The following C14orf39 variants were observed in gnomAD, a reference collection of about 807,000 sequenced individuals.
The protein encoded by C14orf39 is chromosome 14 open reading frame 39.
A neutral mutation model predicts 85.6 loss-of-function variants in C14orf39; 66 were observed. The ratio of observed to expected loss-of-function variants is 0.77; its 90% CI spans 0.63 to 0.95. C14orf39 has a LOEUF of 0.95. Among genes scored for constraint, C14orf39 ranks in the 40% least tolerant of loss-of-function variants. C14orf39 has a pLI of 0.00. For missense variants in C14orf39, 735 were observed against 663.9 expected (o/e 1.11, Z -1.18); for synonymous variants, 242 against 214.0 (o/e 1.13, Z -1.14).
rs770736866 is a variant in C14orf39, at chr14:60,455,142, G to A, written c.1362C>T (p.Asn454=). ...CTTCAGGTACTGCATTTCTATTTCT[G>A]TTACTGAGAAATAAGAAATTATCAA... ...KFPKTPPFEI[N]RNRNAVPEVQ... is the part of the protein sequence containing the mutation. Residue 454 remains asparagine (N), a synonymous_variant, in exon 16 of 18, where the codon AAC becomes AAT. Coordinates refer to ENST00000321731, the MANE Select transcript of C14orf39 (RefSeq NM_174978.3). 64 of 1,546,618 alleles carry A rather than the reference G, an allele frequency of 4.1e-5. No homozygotes were observed. Among genetic ancestry groups the A allele is most frequent in the Non-Finnish European group, 8.7e-7 (1 of 1,152,052 alleles).
At chr14:60,462,449 G>A (rs899140200) in intron 11 of C14orf39, among the ~76,000 whole-genome samples, 5 of 152,046 alleles carry the variant, frequency 3.3e-5, no homozygotes, top group Non-Finnish European at 7.4e-5. Context: ...TTTCTTTCAA[G>A]CCTTTTGTTC....
At position 60,491,191 on chromosome 14, in the gene C14orf39, C is replaced by T. The variant is rs536285447; in HGVS notation, c.-8-6105G>A. Among the ~76,000 whole-genome samples the T allele has an allele frequency of 6.6e-6, 1 of 152,212 alleles. No homozygotes were observed. The highest frequency in any genetic ancestry group is 2.1e-4 in the South Asian group (1 of 4,810). Reference sequence around the variant, plus strand: ...TCATAAATAATAGAAATTTATTTCTCACAGTTTTTGAGGTCAGTAAGTCCA... The same window carrying T: ...TCATAAATAATAGAAATTTATTTCTTACAGTTTTTGAGGTCAGTAAGTCCA... On this transcript the variant is annotated intron_variant, in intron 2 of 5. Transcript: ENST00000556799. The surrounding 1 kb of genome is among the most constrained non-coding windows in gnomAD (Gnocchi z 4.5).
chr14:60,509,338 G>A (rs183248571), intron 1 of C14orf39: 4 of 1,416,598 alleles, frequency 2.8e-6, no homozygotes, highest in Middle Eastern at 1.8e-4. Flanking sequence ...CCAGGCCCGC[G>A]GGCATCTGCT....
At chr14:60,448,725 T>C (rs999936336) in intron 16 of C14orf39, among the ~76,000 whole-genome samples, 4 of 152,216 alleles carry the variant, frequency 2.6e-5, no homozygotes, top group African/African-American at 9.6e-5. Context: ...TAAAGACACA[T>C]GCACACGTAT....
chr14:60,451,067 C>A (rs1466868878), intron 16 of C14orf39, among the ~76,000 whole-genome samples: 7 of 152,128 alleles, frequency 4.6e-5, no homozygotes, highest in Admixed American at 2.0e-4. Flanking sequence ...ACAACAACTA[C>A]AAGCATCAAG....
intron 8 of C14orf39, among the ~76,000 whole-genome samples, chr14:60,468,877 T>C (rs1265701310): frequency 6.6e-6 from 1 of 151,560 alleles, no homozygotes; most frequent in Non-Finnish European, 1.5e-5. Flanking sequence ...TTTACTAAAA[T>C]GATATTACTG....
intron 2 of C14orf39, among the ~76,000 whole-genome samples, chr14:60,497,764 C>T (rs557997710): frequency 8.0e-4 from 121 of 152,166 alleles, no homozygotes; most frequent in Non-Finnish European, 1.4e-3. Context: ...CGACTGTAAT[C>T]CCAGCTACTT....
chr14:60,492,431 G>A (rs1198020107), intron 2 of C14orf39, among the ~76,000 whole-genome samples: 1 of 152,046 alleles, frequency 6.6e-6, no homozygotes, highest in Non-Finnish European at 1.5e-5. Flanking sequence ...GAATCCTTCA[G>A]TAGTTATAAA....
chr14:60,485,042 A>T lies in C14orf39; in HGVS notation c.37T>A (p.Leu13Met), dbSNP rs747753049. The change falls in exon 2 of 18, where the codon TTG (leucine) becomes ATG (methionine). Residue 13 changes from leucine (L) to methionine (M), a missense_variant. Physicochemically the swap from Leu to Met is conservative, Grantham distance 15. Transcript: ENST00000321731. ...ACTTTATACCTACCAAATTCTAGCA[A>T]AAGTCTGTCCAAACTGACAAACAGG... ...DSLFVSLDRL[L>M]LEFVFQYEQD... 5.0e-6 allele frequency: 8 copies of T among 1,609,730 alleles called. No homozygotes were observed. The South Asian group carries it at 8.9e-5, about 18-fold the overall frequency.
rs760333498 is a variant in C14orf39, at chr14:60,483,767, C to T, written c.157G>A (p.Glu53Lys). 10 of 1,566,178 alleles carry T rather than the reference C, an allele frequency of 6.4e-6. No individual in the cohort carries two copies. The highest frequency in any genetic ancestry group is 1.7e-5 in the Admixed American group (1 of 58,840). Residue 53 changes from glutamate (E) to lysine (K), a missense_variant, in exon 4 of 18, where the codon GAA (glutamate) becomes AAA (lysine). Physicochemically the swap from Glu to Lys is moderately conservative, Grantham distance 56. Coordinates refer to ENST00000321731, the MANE Select transcript of C14orf39 (RefSeq NM_174978.3). ...TCCTCATCTGTTGCATTTATAGTTT[C>T]GTGTATCCTACAAATAGTTACTTTG... ...ENKVTICRIH[E>K]TINATDEEID...
intron 16 of C14orf39, among the ~76,000 whole-genome samples, chr14:60,452,186 T>G (rs1447516441): frequency 7.0e-6 from 1 of 142,906 alleles, no homozygotes; most frequent in African/African-American, 2.6e-5. Context: ...AAAAAAAAGA[T>G]AGAATTTCAA....
intron 16 of C14orf39, among the ~76,000 whole-genome samples, chr14:60,442,803 T>G (rs1890585130): frequency 6.6e-6 from 1 of 152,228 alleles, no homozygotes. Context: ...TGACAATTAA[T>G]AAGGAAAGCT....
intron 11 of C14orf39, 90 bp from the exon 12 acceptor site, chr14:60,461,683 T>C (rs1039712574): frequency 3.1e-6 from 2 of 651,440 alleles, no homozygotes; most frequent in African/African-American, 3.7e-5. Context: ...TCTCATTTCA[T>C]TAGTATTTCA....
At chr14:60,489,267 A>G (rs1396072977), upstream of C14orf39, among the ~76,000 whole-genome samples, 1 of 152,232 alleles carries the variant, frequency 6.6e-6, no homozygotes, top group East Asian at 1.9e-4. Flanking sequence ...AGTCAACTCT[A>G]TAAACAATCT....
At chr14:60,477,219 T>G (rs1187216455) in intron 5 of C14orf39, among the ~76,000 whole-genome samples, 1 of 152,174 alleles carries the variant, frequency 6.6e-6, no homozygotes, top group Admixed American at 6.5e-5. Context: ...CTTTCTCCTC[T>G]TTTTGCTCCA....
intron 1 of C14orf39, among the ~76,000 whole-genome samples, chr14:60,485,379 C>T (rs1410206860): frequency 1.3e-5 from 2 of 152,194 alleles, no homozygotes; most frequent in Non-Finnish European, 2.9e-5. Context: ...AACAAGCATC[C>T]GGATCTTCCA....
intron 3 of C14orf39, among the ~76,000 whole-genome samples, 171 bp from the exon 4 acceptor site, chr14:60,483,988 G>C (rs1038797559): frequency 6.6e-6 from 1 of 152,120 alleles, no homozygotes; most frequent in African/African-American, 2.4e-5. Flanking sequence ...AGAGAACCAG[G>C]GCCAGGCCTG....
At chr14:60,482,005 C>G (rs547328520) in intron 4 of C14orf39, among the ~76,000 whole-genome samples, 1 of 152,290 alleles carries the variant, frequency 6.6e-6, no homozygotes, top group East Asian at 1.9e-4. Flanking sequence ...CTTCCTCTCT[C>G]AAAGATTATA....
rs755644701 is a variant in C14orf39 at position 60,436,897 on chromosome 14, AAAG to A, written c.1709_1711del (p.Ser570del). Reference sequence around the variant, plus strand: ...TTGTGAGGAAGATGAAAAACCTTTTAAAGAAGAAGAAGGTATTGAATTTTGACC... The same window carrying A: ...TTGTGAGGAAGATGAAAAACCTTTTAAAGAAGAAGGTATTGAATTTTGACC... On this transcript the variant is annotated inframe_deletion, in exon 18 of 18. Transcript: ENST00000321731. 40 of 1,612,360 alleles carry A rather than the reference AAAG, an allele frequency of 2.5e-5. No individual in the cohort carries two copies. The highest frequency in any genetic ancestry group is 1.6e-4 in the East Asian group (7 of 44,708).
Sources: allele counts gnomAD v4.1 joint callset (sites outside exome capture counted in the v4.1 genomes callset), GRCh38; gene constraint gnomAD v4.1.1; non-coding constraint Gnocchi (gnomAD v3.1); transcripts MANE v1.5; gene names NCBI Gene and HGNC (gene_info 2026-07-23, HGNC 2026-07-21).